EPHA6: variants seen among roughly 807,000 people sequenced by gnomAD.
EPHA6 encodes ephrin type-A receptor 6.
In EPHA6, 50 loss-of-function variants were observed where a neutral mutation model predicts 112.0. The observed-to-expected ratio is 0.45, with a 90% CI of 0.36 to 0.56. The LOEUF (loss-of-function observed/expected upper bound fraction) is 0.56, where lower values mean the gene tolerates loss of function less well. Ranked by LOEUF, EPHA6 falls within the 20% of genes least tolerant of loss-of-function variation. The probability of loss-of-function intolerance (pLI) is 0.00; values close to 1 mark genes in which losing one functional copy is unlikely to be tolerated. For synonymous variants in EPHA6, 529 were observed against 490.7 expected (o/e 1.08, Z -1.03); for missense variants, 1,280 against 1,417.4 (o/e 0.90, Z 1.56).
intron 1 of EPHA6, among the ~76,000 whole-genome samples, chr3:96,845,386 T>C (rs2035008709): frequency 1.3e-5 from 2 of 152,000 alleles, no homozygotes; most frequent in Admixed American, 6.6e-5. Context: ...GCTCATATGC[T>C]GTCATACAAA....
At chr3:97,372,170 C>T (rs751936975) in intron 5 of EPHA6, among the ~76,000 whole-genome samples, 19 of 152,194 alleles carry the variant, frequency 1.2e-4, no homozygotes, top group African/African-American at 3.4e-4. Context: ...CTTGGTTTTA[C>T]GGCTTGGGGG....
chr3:97,356,288 C>T (rs1185923211), intron 5 of EPHA6, among the ~76,000 whole-genome samples: 1 of 152,156 alleles, frequency 6.6e-6, no homozygotes, highest in African/African-American at 2.4e-5. Context: ...CCCACTAGTT[C>T]TACATTATGG....
intron 2 of EPHA6, among the ~76,000 whole-genome samples, chr3:96,878,730 A>C (rs563386990): frequency 6.6e-6 from 1 of 152,164 alleles, no homozygotes; most frequent in South Asian, 2.1e-4. Context: ...CTTCCTTACA[A>C]ATTACTATTT....
intron 5 of EPHA6, among the ~76,000 whole-genome samples, chr3:97,351,292 A>G (rs1042800052): frequency 6.6e-6 from 1 of 152,204 alleles, no homozygotes; most frequent in African/African-American, 2.4e-5. Context: ...TCAACTCAGA[A>G]GTGACTTGGA....
intron 5 of EPHA6, among the ~76,000 whole-genome samples, chr3:97,258,251 T>TATATAC (rs531315613): frequency 4.7e-5 from 7 of 147,434 alleles, no homozygotes; most frequent in Admixed American, 1.3e-4. Flanking sequence ...TATATATATA[T>TATATAC]ACACACACAC....
intron 11 of EPHA6, 83 bp from the exon 12 acceptor site, chr3:97,592,529 A>G: frequency 6.6e-7 from 1 of 1,518,444 alleles, no homozygotes; most frequent in South Asian, 1.2e-5. Flanking sequence ...GTCTTTGTTG[A>G]TTTTAGGTTT....
chr3:96,860,229 G>T (rs2035932116), intron 1 of EPHA6, among the ~76,000 whole-genome samples: 1 of 152,068 alleles, frequency 6.6e-6, no homozygotes, highest in African/African-American at 2.4e-5. Flanking sequence ...AAATGTAATG[G>T]AGGGAACAAA....
At chr3:97,693,904 CATT>C (rs1360024635) in intron 14 of EPHA6, among the ~76,000 whole-genome samples, 2 of 152,252 alleles carry the variant, frequency 1.3e-5, no homozygotes, top group African/African-American at 2.4e-5. Flanking sequence ...TCATCATCAT[CATT>C]ATTATTGTTT....
chr3:97,143,691 C>T (rs72922331), intron 3 of EPHA6, among the ~76,000 whole-genome samples: 6,077 of 151,652 alleles, frequency 0.04, 367 homozygotes, highest in African/African-American at 0.13. Context: ...TTGTTATTCC[C>T]CAGGGTCAAT....
intron 7 of EPHA6, chr3:97,466,608 A>G: frequency 1.6e-6 from 1 of 636,590 alleles, no homozygotes. Flanking sequence ...CAGTATTCTC[A>G]TGTATTTGCA....
chr3:97,643,607 C>G (rs1472938697), intron 14 of EPHA6, among the ~76,000 whole-genome samples: 1 of 149,780 alleles, frequency 6.7e-6, no homozygotes, highest in Non-Finnish European at 1.5e-5. Flanking sequence ...ATCTACCAAG[C>G]AAATGGAAAA....
chr3:96,987,592 A>C lies in EPHA6; in HGVS notation c.713A>C (p.Gln238Pro). Residue 238 changes from glutamine (Q) to proline (P), a missense_variant, in exon 3 of 18, where the codon CAG (glutamine) becomes CCG (proline). Physicochemically the swap from Gln to Pro is moderately conservative, Grantham distance 76. This residue lies in a region of EPHA6 where 878 missense variants were observed against 999.7 expected (regional missense o/e 0.88). Coordinates refer to ENST00000389672, the MANE Select transcript of EPHA6 (RefSeq NM_001080448.3). ...ESHGIKFKPN[Q>P]YTKIDTIAAD... is the part of the protein sequence containing the mutation. Reference sequence around the variant, plus strand: ...CACGGAATTAAATTCAAGCCAAACCAGTATACAAAGATCGACACAATTGCT... The same window carrying C: ...CACGGAATTAAATTCAAGCCAAACCCGTATACAAAGATCGACACAATTGCT... The C allele has an allele frequency of 6.2e-7, 1 of 1,613,856 alleles. No homozygotes were observed. The highest frequency in any genetic ancestry group is 1.1e-5 in the South Asian group (1 of 91,084).
At chr3:97,649,844 A>T (rs1439485326) in intron 14 of EPHA6, among the ~76,000 whole-genome samples, 1 of 151,966 alleles carries the variant, frequency 6.6e-6, no homozygotes, top group Non-Finnish European at 1.5e-5. Flanking sequence ...AACCAGTCAA[A>T]TGTATTGACC....
intron 13 of EPHA6, chr3:97,612,307 G>A (rs1223652735): frequency 5.9e-6 from 2 of 341,490 alleles, no homozygotes; most frequent in African/African-American, 4.3e-5. Context: ...ATATCAAAAT[G>A]ACTCATCATC....
intron 3 of EPHA6, among the ~76,000 whole-genome samples, chr3:97,165,462 T>G (rs373100762): frequency 1.3e-5 from 2 of 152,162 alleles, no homozygotes; most frequent in African/African-American, 4.8e-5. Context: ...TATCACTATT[T>G]GGTGAGCTGC....
chr3:97,244,112 TGGA>T lies in EPHA6; in HGVS notation c.1435_1437del (p.Gly479del). 1 of 1,613,048 alleles carries T rather than the reference TGGA, an allele frequency of 6.2e-7. No homozygotes were observed. Among genetic ancestry groups the T allele is most frequent in the Non-Finnish European group, 8.5e-7 (1 of 1,179,326 alleles). ...ACACCAGCCAGTGTGAGGACTGTGG[TGGA>T]GGACTCCGCTTCATCCCAAGACATA... On this transcript the variant is annotated inframe_deletion, in exon 5 of 18. Coordinates refer to ENST00000389672, the MANE Select transcript of EPHA6 (RefSeq NM_001080448.3).
At chr3:96,939,982 T>A (rs1319855020) in intron 2 of EPHA6, among the ~76,000 whole-genome samples, 1 of 152,114 alleles carries the variant, frequency 6.6e-6, no homozygotes, top group East Asian at 1.9e-4. Context: ...TTGTTATAAT[T>A]TGTGTTGTTT....
At chr3:97,283,996 C>T (rs2080378760) in intron 5 of EPHA6, among the ~76,000 whole-genome samples, 1 of 152,086 alleles carries the variant, frequency 6.6e-6, no homozygotes. Flanking sequence ...ATTATATTTT[C>T]TAGTGCTTAA....
Position 97,266,828 on chromosome 3 carries a change from CT to C in EPHA6, c.1606+22549del, listed in dbSNP as rs375722928. 3.2e-3 allele frequency among the ~76,000 whole-genome samples: 473 copies of C among 148,924 alleles called. 2 individuals are homozygous for C. Among genetic ancestry groups the C allele is most frequent in the African/African-American group, 0.011 (424 of 38,702 alleles). ...TGAGAATCAGGAATTTGATATTTTG[CT>C]TTTTTTTAAGGTGGGCCTGTATATA... On this transcript the variant is annotated intron_variant, in intron 5 of 17. Coordinates refer to ENST00000389672, the MANE Select transcript of EPHA6 (RefSeq NM_001080448.3).
Sources: allele counts gnomAD v4.1 joint callset (sites outside exome capture counted in the v4.1 genomes callset), GRCh38; gene constraint gnomAD v4.1.1; regional missense constraint gnomAD v4.1.1; transcripts MANE v1.5; gene names NCBI Gene and HGNC (gene_info 2026-07-23, HGNC 2026-07-21).